The following ATP2B1 variants were observed in gnomAD, a reference collection of about 807,000 sequenced individuals.
ATP2B1 encodes the protein ATPase plasma membrane Ca2+ transporting 1.
ATP2B1 carries 14 observed loss-of-function variants against 124.2 expected under a neutral mutation model. The observed-to-expected ratio is 0.11, with a 90% CI of 0.07 to 0.18. The LOEUF is 0.18. Among genes scored for constraint, ATP2B1 ranks in the 10% least tolerant of loss-of-function variants. The probability of loss-of-function intolerance (pLI) is 1.00; values close to 1 mark genes in which losing one functional copy is unlikely to be tolerated. For missense variants in ATP2B1, 763 were observed against 1,466.1 expected (o/e 0.52, Z 7.83); for synonymous variants, 449 against 492.4 (o/e 0.91, Z 1.17).
At chr12:89,706,396 T>C (rs1231817564) in intron 1 of ATP2B1, among the ~76,000 whole-genome samples, 1 of 151,374 alleles carries the variant, frequency 6.6e-6, no homozygotes, top group African/African-American at 2.4e-5. Context: ...AAAAAAAAAT[T>C]GTAAAGCCAC....
At chr12:89,628,988 TA>T (rs571489853) in intron 6 of ATP2B1, among the ~76,000 whole-genome samples, 1 of 148,870 alleles carries the variant, frequency 6.7e-6, no homozygotes. Context: ...CCCTGTTCTT[TA>T]AAAAAAAAAC....
At chr12:89,623,719 G>A (rs908696218) in intron 9 of ATP2B1, among the ~76,000 whole-genome samples, 2 of 152,244 alleles carry the variant, frequency 1.3e-5, no homozygotes, top group African/African-American at 2.4e-5. Context: ...GGCCAGACTG[G>A]CAGGGCCCTG....
At chr12:89,634,671 TAC>T in intron 5 of ATP2B1, 105 bp downstream of exon 5, 1 of 1,235,998 alleles carries the variant, frequency 8.1e-7, no homozygotes, top group Non-Finnish European at 1.1e-6. Context: ...TAGCATAAAA[TAC>T]AGATTCCTCT....
chr12:89,626,038 C>T lies in ATP2B1; in HGVS notation c.1129+416G>A, dbSNP rs564862149. ...TATAGAAACTTCAGCCGCACTACAA[C>T]GACTCCATTCAGTGCAGAACTTTAA... On this transcript the variant is annotated intron_variant, in intron 8 of 20. Coordinates refer to ENST00000428670, the MANE Select transcript of ATP2B1 (RefSeq NM_001366521.1). 7.9e-4 allele frequency among the ~76,000 whole-genome samples: 121 copies of T among 152,246 alleles called. 1 individual carries two copies. The highest frequency in any genetic ancestry group is 2.8e-3 in the African/African-American group (118 of 41,528).
chr12:89,670,035 A>T (rs1242576674), intron 1 of ATP2B1, among the ~76,000 whole-genome samples: 1 of 152,230 alleles, frequency 6.6e-6, no homozygotes, highest in East Asian at 1.9e-4. Flanking sequence ...TCACAATTAA[A>T]ATCAGATGAT....
intron 20 of ATP2B1, among the ~76,000 whole-genome samples, chr12:89,596,120 C>T (rs1009085814): frequency 6.6e-6 from 1 of 152,014 alleles, no homozygotes; most frequent in African/African-American, 2.4e-5. Flanking sequence ...AAGCTTGGAA[C>T]ACAATCAGAC....
At chr12:89,676,726 A>AT (rs1888655384) in intron 1 of ATP2B1, among the ~76,000 whole-genome samples, 1 of 152,170 alleles carries the variant, frequency 6.6e-6, no homozygotes, top group African/African-American at 2.4e-5. Context: ...GAGTATAAAA[A>AT]TTGCAAATAG....
chr12:89,693,879 T>C (rs1890822040), intron 1 of ATP2B1, among the ~76,000 whole-genome samples: 2 of 152,210 alleles, frequency 1.3e-5, no homozygotes. Context: ...TTGTTTTACA[T>C]GGTTCAGGAA....
At chr12:89,628,678 C>T (rs960879143) in intron 6 of ATP2B1, among the ~76,000 whole-genome samples, 25 of 152,092 alleles carry the variant, frequency 1.6e-4, no homozygotes, top group African/African-American at 6.0e-4. Flanking sequence ...TTAAAAATGC[C>T]AAAGAGCAGG....
chr12:89,662,724 G>A (rs1456374891), intron 1 of ATP2B1, among the ~76,000 whole-genome samples: 9 of 151,972 alleles, frequency 5.9e-5, no homozygotes, highest in Admixed American at 5.9e-4. Context: ...TAGTCTCAAA[G>A]GATTCCTAAA....
chr12:89,670,431 TG>T (rs1253476225), intron 1 of ATP2B1, among the ~76,000 whole-genome samples: 2 of 152,124 alleles, frequency 1.3e-5, no homozygotes, highest in African/African-American at 2.4e-5. Context: ...TGTTTTGGTT[TG>T]TTTTTTTCAA....
chr12:89,659,357 A>AACACACACACACAC (rs10648843), intron 1 of ATP2B1, among the ~76,000 whole-genome samples: 6 of 149,240 alleles, frequency 4.0e-5, no homozygotes, highest in Non-Finnish European at 7.4e-5. Context: ...GGTATTACAA[A>AACACACACACACAC]ACACACACAC....
intron 2 of ATP2B1, among the ~76,000 whole-genome samples, chr12:89,655,358 G>A (rs1885825785): frequency 6.6e-6 from 1 of 152,130 alleles, no homozygotes; most frequent in Non-Finnish European, 1.5e-5. Flanking sequence ...CCAAATCCCT[G>A]GGAGGCATCC....
intron 1 of ATP2B1, among the ~76,000 whole-genome samples, chr12:89,665,238 A>C (rs916716028): frequency 6.6e-6 from 1 of 152,190 alleles, no homozygotes; most frequent in East Asian, 1.9e-4. Context: ...AAGTATACTA[A>C]TATTTTTCCA....
chr12:89,639,524 C>A lies in ATP2B1; in HGVS notation c.406+2634G>T, dbSNP rs143294629. 5.6e-3 allele frequency among the ~76,000 whole-genome samples: 848 copies of A among 150,150 alleles called. 7 individuals are homozygous for A. Among genetic ancestry groups the A allele is most frequent in the African/African-American group, 0.019 (779 of 41,008 alleles). Reference sequence around the variant, plus strand: ...GTCTCAATATATATATAGTCTCTCTCTATATATTTTATATATATATCTGTC... The same window carrying A: ...GTCTCAATATATATATAGTCTCTCTATATATATTTTATATATATATCTGTC... On this transcript the variant is annotated intron_variant, in intron 3 of 20. Transcript: ENST00000428670.
chr12:89,611,461 T>C, intron 12 of ATP2B1, 89 bp from the exon 13 acceptor site: 3 of 1,081,904 alleles, frequency 2.8e-6, no homozygotes, highest in South Asian at 2.4e-5. Context: ...CATTAATTTA[T>C]AGTCCCCCAA....
chr12:89,687,403 G>C (rs1890085333), intron 1 of ATP2B1, among the ~76,000 whole-genome samples: 1 of 152,102 alleles, frequency 6.6e-6, no homozygotes, highest in South Asian at 2.1e-4. Flanking sequence ...GTAGTACACT[G>C]TGTGAATTTG....
chr12:89,700,547 T>C (rs1054384140), intron 1 of ATP2B1, among the ~76,000 whole-genome samples: 3 of 152,200 alleles, frequency 2.0e-5, no homozygotes, highest in Non-Finnish European at 4.4e-5. Flanking sequence ...TTAGAGGTAC[T>C]AAAAAAATCT....
chr12:89,607,851 CCA>C (rs148705502), intron 15 of ATP2B1, among the ~76,000 whole-genome samples: 118 of 152,234 alleles, frequency 7.8e-4, no homozygotes, highest in African/African-American at 2.8e-3. Context: ...TATTTGCGAT[CCA>C]CAGTTGGTTG....
Sources: gnomAD v4.1 joint callset for allele counts (sites outside exome capture counted in the v4.1 genomes callset) on GRCh38, gnomAD v4.1.1 for gene constraint, MANE v1.5 for transcripts, NCBI Gene and HGNC (gene_info 2026-07-23, HGNC 2026-07-21) for gene names.